Variants in SAMMSON observed in about 807,000 individuals in gnomAD.
The protein encoded by SAMMSON is long intergenic non-protein coding RNA 1212.
intron 7 of SAMMSON, among the ~76,000 whole-genome samples, chr3:70,319,005 A>G (rs983260920): frequency 2.0e-5 from 3 of 152,022 alleles, no homozygotes; most frequent in Admixed American, 6.6e-5. Flanking sequence ...CTAGTACTGT[A>G]TTAACTGTGA....
chr3:70,215,123 T>C (rs908806366), intron 4 of SAMMSON, among the ~76,000 whole-genome samples: 1 of 152,142 alleles, frequency 6.6e-6, no homozygotes, highest in Non-Finnish European at 1.5e-5. Context: ...ACTATTTGAA[T>C]GTCACTTAAA....
chr3:70,084,771 A>G (rs1044673332), intron 4 of SAMMSON: 1 of 152,200 alleles, frequency 6.6e-6, no homozygotes, highest in South Asian at 2.1e-4. Flanking sequence ...TTCAGCACCT[A>G]CTGTGTTCCA....
chr3:70,037,121 T>C (rs150996008), intron 3 of SAMMSON, among the ~76,000 whole-genome samples: 1 of 152,160 alleles, frequency 6.6e-6, no homozygotes, highest in African/African-American at 2.4e-5. Context: ...AATGGGAGTC[T>C]ATGATATTCA....
intron 2 of SAMMSON, among the ~76,000 whole-genome samples, chr3:70,418,966 T>TTTCCTTTCCTTTCC (rs761257636): frequency 7.5e-5 from 4 of 52,984 alleles, no homozygotes; most frequent in Non-Finnish European, 2.2e-4. Context: ...TTTCCTTTCC[T>TTTCCTTTCCTTTCC]TTCCTTCCTT....
At chr3:70,192,689 T>C (rs7613513) in intron 4 of SAMMSON, among the ~76,000 whole-genome samples, 128,880 of 152,172 alleles carry the variant, frequency 0.85, 55,273 homozygotes, top group Non-Finnish European at 0.92. Context: ...ATAAGGAGCA[T>C]CCAGCTACAT....
At chr3:70,144,121 G>A (rs2067538697) in intron 4 of SAMMSON, among the ~76,000 whole-genome samples, 1 of 151,926 alleles carries the variant, frequency 6.6e-6, no homozygotes, top group African/African-American at 2.4e-5. Context: ...TTTGGAAAGG[G>A]CAATGACCTT....
At chr3:70,294,163 T>G (rs1461895047) in intron 7 of SAMMSON, among the ~76,000 whole-genome samples, 1 of 152,192 alleles carries the variant, frequency 6.6e-6, no homozygotes, top group Non-Finnish European at 1.5e-5. Flanking sequence ...CCCTAGCATT[T>G]AAAAACTAGT....
At chr3:70,218,475 T>C (rs1262877682) in intron 4 of SAMMSON, among the ~76,000 whole-genome samples, 1 of 152,122 alleles carries the variant, frequency 6.6e-6, no homozygotes, top group Non-Finnish European at 1.5e-5. Flanking sequence ...TACATCCCTC[T>C]TTTACTAAAA....
chr3:70,194,314 A>G (rs1701154914), intron 4 of SAMMSON, among the ~76,000 whole-genome samples: 1 of 152,182 alleles, frequency 6.6e-6, no homozygotes, highest in Non-Finnish European at 1.5e-5. Context: ...TTTATTTGTA[A>G]TCACAGGCCT....
intron 2 of SAMMSON, among the ~76,000 whole-genome samples, chr3:70,415,153 C>T (rs1470207131): frequency 1.3e-5 from 2 of 152,114 alleles, no homozygotes; most frequent in African/African-American, 4.8e-5. Flanking sequence ...TTGTGTAAAA[C>T]AAAGGTGAGT....
chr3:70,036,357 G>C (rs1368352163), intron 3 of SAMMSON, among the ~76,000 whole-genome samples: 1 of 152,134 alleles, frequency 6.6e-6, no homozygotes, highest in Non-Finnish European at 1.5e-5. Context: ...CCAACAGCCT[G>C]TATTTTCTCC....
chr3:70,300,472 G>C (rs1702336671), intron 7 of SAMMSON, among the ~76,000 whole-genome samples: 1 of 151,934 alleles, frequency 6.6e-6, no homozygotes, highest in African/African-American at 2.4e-5. Context: ...GACAGATAGA[G>C]TTAGATATGT....
intron 6 of SAMMSON, among the ~76,000 whole-genome samples, chr3:70,286,356 A>T (rs1702162542): frequency 6.6e-6 from 1 of 152,118 alleles, no homozygotes; most frequent in South Asian, 2.1e-4. Flanking sequence ...TTTGTCAAAG[A>T]TCAGATAGTT....
intron 4 of SAMMSON, chr3:70,183,763 G>T (rs1249831847): frequency 6.6e-6 from 1 of 152,074 alleles, no homozygotes; most frequent in African/African-American, 2.4e-5. Flanking sequence ...CTATCCTTAT[G>T]AACTAATTCA....
chr3:70,305,124 T>A (rs1390386719), intron 7 of SAMMSON, among the ~76,000 whole-genome samples: 2 of 152,240 alleles, frequency 1.3e-5, no homozygotes. Context: ...CACAACATCT[T>A]GTTTCAAAGC....
At chr3:70,167,893 G>T (rs185143838) in intron 4 of SAMMSON, among the ~76,000 whole-genome samples, 1 of 152,052 alleles carries the variant, frequency 6.6e-6, no homozygotes, top group African/African-American at 2.4e-5. Context: ...AGGATTGCTT[G>T]AACAGCTTGT....
At chr3:70,359,865 T>C (rs796132828) in intron 9 of SAMMSON, among the ~76,000 whole-genome samples, 8 of 152,250 alleles carry the variant, frequency 5.3e-5, no homozygotes, top group African/African-American at 1.9e-4. Context: ...TTCTCCATAC[T>C]TGTAAGGCTC....
At chr3:70,067,945 CTG>C (rs2067216050) in intron 3 of SAMMSON, among the ~76,000 whole-genome samples, 1 of 151,936 alleles carries the variant, frequency 6.6e-6, no homozygotes, top group Non-Finnish European at 1.5e-5. Context: ...AACATGGAAA[CTG>C]TTTCACAAAA....
chr3:70,237,812 C>A (rs1348028629), intron 4 of SAMMSON, among the ~76,000 whole-genome samples: 2 of 152,056 alleles, frequency 1.3e-5, no homozygotes, highest in Non-Finnish European at 2.9e-5. Flanking sequence ...TGGGCATGGA[C>A]AAAGGCAGAG....
Sources: gnomAD v4.1 joint callset for allele counts (sites outside exome capture counted in the v4.1 genomes callset) on GRCh38, gnomAD v4.1.1 for gene constraint, MANE v1.5 for transcripts, NCBI Gene and HGNC (gene_info 2026-07-23, HGNC 2026-07-21) for gene names.